LRRC4C: variants seen among roughly 807,000 people sequenced by gnomAD.
The protein encoded by LRRC4C is leucine-rich repeat-containing protein 4C.
LRRC4C carries 5 observed loss-of-function variants against 33.6 expected under a neutral mutation model. The ratio of observed to expected loss-of-function variants is 0.15; its 90% confidence interval spans 0.08 to 0.31. The LOEUF (loss-of-function observed/expected upper bound fraction) is 0.31, where lower values mean the gene tolerates loss of function less well. LRRC4C is among the 10% of genes least tolerant of loss of function. LRRC4C has a pLI of 1.00. For missense variants in LRRC4C, 560 were observed against 796.7 expected (o/e 0.70, Z 3.58); for synonymous variants, 329 against 302.0 (o/e 1.09, Z -0.93).
intron 1 of LRRC4C, among the ~76,000 whole-genome samples, chr11:41,075,027 T>TTTTTTTTTTTTTTTTTTTTTTTTTTTTA (rs764193977): frequency 4.9e-5 from 5 of 102,930 alleles, no homozygotes; most frequent in Admixed American, 2.0e-4. Context: ...TTTTTTTTTT[T>TTTTTTTTTTTTTTTTTTTTTTTTTTTTA]TTTTTTTTTA....
At chr11:40,590,319 T>C (rs944155743) in intron 3 of LRRC4C, among the ~76,000 whole-genome samples, 1 of 149,630 alleles carries the variant, frequency 6.7e-6, no homozygotes, top group Admixed American at 6.7e-5. Context: ...GCCTTGGTTT[T>C]CAGCTCCATC....
intron 2 of LRRC4C, among the ~76,000 whole-genome samples, chr11:40,872,362 A>G (rs908803913): frequency 6.6e-6 from 1 of 151,894 alleles, no homozygotes; most frequent in Non-Finnish European, 1.5e-5. Flanking sequence ...ATTTAATTCT[A>G]TAATTGGGAG....
chr11:40,632,165 G>A (rs1963528510), intron 3 of LRRC4C, among the ~76,000 whole-genome samples: 1 of 152,128 alleles, frequency 6.6e-6, no homozygotes, highest in Non-Finnish European at 1.5e-5. Context: ...TAATCGGATT[G>A]TGTTAAACAA....
chr11:40,491,946 A>G (rs184524102), intron 3 of LRRC4C, among the ~76,000 whole-genome samples: 19 of 152,300 alleles, frequency 1.2e-4, no homozygotes, highest in Admixed American at 9.8e-4. Context: ...CACAAGTTTT[A>G]ATAATTCAGA....
chr11:40,311,668 C>T (rs1013847559), intron 4 of LRRC4C, among the ~76,000 whole-genome samples: 8 of 152,052 alleles, frequency 5.3e-5, no homozygotes, highest in Admixed American at 1.3e-4. Flanking sequence ...CTTTTCTGAC[C>T]GGGCACGGTG....
At chr11:40,349,785 C>T (rs1239113609) in intron 3 of LRRC4C, among the ~76,000 whole-genome samples, 2 of 152,018 alleles carry the variant, frequency 1.3e-5, no homozygotes, top group East Asian at 1.9e-4. Context: ...TGAGATGATA[C>T]CTCATTGTAA....
intron 5 of LRRC4C, among the ~76,000 whole-genome samples, chr11:40,187,503 C>T (rs1216738524): frequency 2.0e-5 from 3 of 151,914 alleles, no homozygotes; most frequent in African/African-American, 7.3e-5. Flanking sequence ...CTTCTCTGCC[C>T]ACAGAGGTGC....
At chr11:40,231,268 C>A (rs1013573685) in intron 5 of LRRC4C, among the ~76,000 whole-genome samples, 3 of 152,144 alleles carry the variant, frequency 2.0e-5, no homozygotes, top group Non-Finnish European at 2.9e-5. Flanking sequence ...TTTACAGTAA[C>A]TCCCCAGGAC....
At chr11:40,143,149 A>G (rs115657372) in intron 5 of LRRC4C, among the ~76,000 whole-genome samples, 2,499 of 152,138 alleles carry the variant, frequency 0.016, 75 homozygotes, top group African/African-American at 0.056. Flanking sequence ...TCTGTGTATC[A>G]GTATTCTGTT....
chr11:40,901,771 C>A (rs1956210844), intron 2 of LRRC4C, among the ~76,000 whole-genome samples: 1 of 151,960 alleles, frequency 6.6e-6, no homozygotes, highest in African/African-American at 2.4e-5. Context: ...CTGAAATATC[C>A]TAGCAACTGG....
chr11:40,119,647 A>AT (rs1171809462), intron 6 of LRRC4C, among the ~76,000 whole-genome samples: 1 of 152,156 alleles, frequency 6.6e-6, no homozygotes. Context: ...ATGTAGTCAC[A>AT]TGTTCTTATG....
Position 40,693,015 on chromosome 11 carries a change from G to C in LRRC4C, c.-406-44737C>G, listed in dbSNP as rs559702910. Among the ~76,000 whole-genome samples the C allele has an allele frequency of 7.2e-5, 11 of 152,212 alleles. No individual in the cohort carries two copies. The South Asian group carries it at 2.3e-3, about 32-fold the overall frequency. ...ATTAATACAGAAAGTAAAATTGGAA[G>C]TCATCTATAATATCACAGCCAGACA... is the stretch of plus-strand genomic sequence containing the variant. On this transcript the variant is annotated intron_variant, in intron 2 of 6. Transcript: ENST00000528697.
intron 6 of LRRC4C, among the ~76,000 whole-genome samples, chr11:40,119,087 G>C (rs1443767591): frequency 6.6e-6 from 1 of 152,134 alleles, no homozygotes; most frequent in African/African-American, 2.4e-5. Context: ...TTCACTAGTG[G>C]TGAGATCCCC....
chr11:40,749,908 A>T (rs557162562), intron 2 of LRRC4C, among the ~76,000 whole-genome samples: 1 of 152,292 alleles, frequency 6.6e-6, no homozygotes, highest in African/African-American at 2.4e-5. Flanking sequence ...ATTCCTGGAA[A>T]TACACAATCT....
intron 5 of LRRC4C, among the ~76,000 whole-genome samples, chr11:40,224,392 T>A (rs1864639059): frequency 6.6e-6 from 1 of 152,238 alleles, no homozygotes; most frequent in African/African-American, 2.4e-5. Flanking sequence ...ATTCTTTCAT[T>A]ATTTGCCTGA....
At chr11:40,159,514 GA>G (rs1222986259) in intron 5 of LRRC4C, among the ~76,000 whole-genome samples, 1 of 152,166 alleles carries the variant, frequency 6.6e-6, no homozygotes. Context: ...ATCTTCCTTA[GA>G]AAAGGTGAGA....
intron 6 of LRRC4C, among the ~76,000 whole-genome samples, chr11:40,137,410 G>C (rs1857057236): frequency 6.6e-6 from 1 of 151,954 alleles, no homozygotes; most frequent in African/African-American, 2.4e-5. Flanking sequence ...GCATATTGCT[G>C]CACAAAGTCA....
chr11:40,412,500 T>C, intron 3 of LRRC4C, among the ~76,000 whole-genome samples: 1 of 152,106 alleles, frequency 6.6e-6, no homozygotes, highest in East Asian at 1.9e-4. Flanking sequence ...TTAGCAATTT[T>C]TAAAAATTCT....
At chr11:40,908,831 G>GT (rs1956540388) in intron 2 of LRRC4C, among the ~76,000 whole-genome samples, 3 of 152,134 alleles carry the variant, frequency 2.0e-5, no homozygotes, top group African/African-American at 7.2e-5. Context: ...GGTAAACTCT[G>GT]CAATCTGACA....
Sources: allele counts gnomAD v4.1 joint callset (sites outside exome capture counted in the v4.1 genomes callset), GRCh38; gene constraint gnomAD v4.1.1; transcripts MANE v1.5; gene names NCBI Gene and HGNC (gene_info 2026-07-23, HGNC 2026-07-21).